Variants in LRP1B observed in about 807,000 individuals in gnomAD.
LRP1B encodes LDL receptor related protein 1B, also known as low-density lipoprotein receptor-related protein 1B.
In LRP1B, 217 loss-of-function variants were observed where a neutral mutation model predicts 556.6. The observed-to-expected ratio is 0.39, with a 90% CI of 0.35 to 0.44. The LOEUF is 0.44. Among genes scored for constraint, LRP1B ranks in the 20% least tolerant of loss-of-function variants. The pLI is 1.00. For synonymous variants in LRP1B, 2,047 were observed against 1,865.8 expected (o/e 1.10, Z -2.50); for missense variants, 5,053 against 5,620.8 (o/e 0.90, Z 3.23).
chr2:141,496,346 A>C (rs2105123242), intron 2 of LRP1B, among the ~76,000 whole-genome samples: 1 of 152,086 alleles, frequency 6.6e-6, no homozygotes, highest in Admixed American at 6.6e-5. Context: ...ATTATGATTC[A>C]GTAGATATTT....
At chr2:140,784,421 C>A (rs1054220907) in intron 32 of LRP1B, among the ~76,000 whole-genome samples, 14 of 146,480 alleles carry the variant, frequency 9.6e-5, no homozygotes, top group Admixed American at 4.1e-4. Context: ...CACACACACA[C>A]AAAAGGCTCA....
chr2:141,716,596 G>T (rs1692603657), intron 2 of LRP1B, among the ~76,000 whole-genome samples: 1 of 152,082 alleles, frequency 6.6e-6, no homozygotes. Context: ...AATTTAAGGT[G>T]ATCAGCTCAC....
chr2:140,957,089 T>C (rs566301006), intron 18 of LRP1B, among the ~76,000 whole-genome samples: 1 of 151,784 alleles, frequency 6.6e-6, no homozygotes, highest in South Asian at 2.1e-4. Context: ...TACAATTAAG[T>C]GATTTTAATA....
chr2:142,113,651 CGT>C (rs1438236725), intron 1 of LRP1B, among the ~76,000 whole-genome samples: 2 of 151,946 alleles, frequency 1.3e-5, no homozygotes, highest in African/African-American at 4.8e-5. Context: ...TAAATAAATA[CGT>C]GTGTACATTG....
At chr2:141,137,168 G>C (rs74467300) in intron 7 of LRP1B, among the ~76,000 whole-genome samples, 12,244 of 151,894 alleles carry the variant, frequency 0.081, 550 homozygotes, top group South Asian at 0.18. Context: ...ATTTTTAAAT[G>C]CTTTGTCAAA....
intron 3 of LRP1B, among the ~76,000 whole-genome samples, chr2:141,318,275 A>G (rs1436952510): frequency 1.3e-5 from 2 of 152,288 alleles, no homozygotes; most frequent in East Asian, 1.9e-4. Flanking sequence ...AAAATGTGCT[A>G]TGGATACAAA....
intron 2 of LRP1B, among the ~76,000 whole-genome samples, chr2:141,728,835 C>T (rs767695925): frequency 6.6e-6 from 1 of 152,132 alleles, no homozygotes; most frequent in African/African-American, 2.4e-5. Flanking sequence ...TGACTCTATC[C>T]GCTCTCACAC....
At chr2:140,666,180 A>G (rs1021145942) in intron 41 of LRP1B, among the ~76,000 whole-genome samples, 3 of 151,670 alleles carry the variant, frequency 2.0e-5, no homozygotes, top group Non-Finnish European at 4.4e-5. Flanking sequence ...TTTTTAGTAG[A>G]GGCGGGGCTT....
At chr2:141,357,017 CT>C in intron 3 of LRP1B, among the ~76,000 whole-genome samples, 1 of 151,718 alleles carries the variant, frequency 6.6e-6, no homozygotes, top group Non-Finnish European at 1.5e-5. Context: ...TATGTGTTCA[CT>C]TTTTAAATTT....
At chr2:140,629,731 G>T (rs1683810384) in intron 41 of LRP1B, among the ~76,000 whole-genome samples, 1 of 152,168 alleles carries the variant, frequency 6.6e-6, no homozygotes. Context: ...ATCATACAAA[G>T]ACACACATAT....
intron 2 of LRP1B, among the ~76,000 whole-genome samples, chr2:141,652,333 A>G (rs561260657): frequency 6.6e-6 from 1 of 152,360 alleles, no homozygotes; most frequent in Admixed American, 6.5e-5. Flanking sequence ...TAAGTTAGAT[A>G]ATTTTATGAT....
intron 3 of LRP1B, among the ~76,000 whole-genome samples, chr2:141,363,128 T>A (rs116539569): frequency 1.1e-3 from 175 of 152,356 alleles, no homozygotes; most frequent in African/African-American, 4.0e-3. Context: ...GTACATCTTC[T>A]ATAATTGTTT....
chr2:140,308,034 A>T (rs1242837840), intron 83 of LRP1B, among the ~76,000 whole-genome samples: 3 of 151,882 alleles, frequency 2.0e-5, no homozygotes, highest in Non-Finnish European at 4.4e-5. Context: ...CCTATTTGCT[A>T]ATAATTTTAG....
In LRP1B at chr2:140,525,971, G is replaced by A; in HGVS notation, c.7899C>T (p.Phe2633=). The change falls in exon 49 of 91, where the codon TTC becomes TTT. Residue 2633 remains phenylalanine (F), a synonymous_variant. Transcript: ENST00000389484. ...KNCNNTDCTH[F]YKLGVKTTGF... Reference sequence around the variant, plus strand: ...CTGTGGTTTTCACTCCAAGCTTATAGAAATGTGTGCAGTCTGTGTTATCTA... The same window carrying A: ...CTGTGGTTTTCACTCCAAGCTTATAAAAATGTGTGCAGTCTGTGTTATCTA... 2 of 1,612,100 alleles carry A rather than the reference G, an allele frequency of 1.2e-6. No individual in the cohort carries two copies. Among genetic ancestry groups the A allele is most frequent in the Middle Eastern group, 1.7e-4 (1 of 6,050 alleles).
At chr2:141,875,232 A>G (rs1469872888) in intron 1 of LRP1B, among the ~76,000 whole-genome samples, 3 of 151,622 alleles carry the variant, frequency 2.0e-5, no homozygotes, top group Non-Finnish European at 4.4e-5. Flanking sequence ...CGGGTCTCAA[A>G]CTCCTGGGCT....
rs10696198 is a variant in LRP1B at position 140,485,846 on chromosome 2, T to TACACACACACACAC, written c.9244-336_9244-323dup. Among the ~76,000 whole-genome samples, 273 of 142,354 alleles carry TACACACACACACAC rather than the reference T, an allele frequency of 1.9e-3. 5 individuals carry two copies. Among genetic ancestry groups the TACACACACACACAC allele is most frequent in the East Asian group, 0.013 (62 of 4,756 alleles). 93.4% of individuals were successfully genotyped at this position (142,354 alleles called of 152,430 possible). ...ATTTGGGACAAAATTCTCACGCACA[T>TACACACACACACAC]ACACACACACACACACACACACACA... On this transcript the variant is annotated intron_variant, in intron 58 of 90. Transcript: ENST00000389484.
chr2:141,606,992 C>T (rs1035850273), intron 2 of LRP1B, among the ~76,000 whole-genome samples: 3 of 151,986 alleles, frequency 2.0e-5, no homozygotes, highest in African/African-American at 4.8e-5. Flanking sequence ...TCCCTCCCTC[C>T]CTTCCTTCCT....
chr2:140,631,460 G>T (rs1405258235), intron 41 of LRP1B, among the ~76,000 whole-genome samples: 1 of 152,092 alleles, frequency 6.6e-6, no homozygotes, highest in Admixed American at 6.6e-5. Flanking sequence ...GCACAGAGAT[G>T]GAAACTATAC....
At chr2:141,757,744 C>T (rs1694374822) in intron 2 of LRP1B, among the ~76,000 whole-genome samples, 1 of 151,830 alleles carries the variant, frequency 6.6e-6, no homozygotes, top group Non-Finnish European at 1.5e-5. Context: ...ACTACATTGC[C>T]CAGGCTGATC....
Sources: gnomAD v4.1 joint callset for allele counts (sites outside exome capture counted in the v4.1 genomes callset) on GRCh38, gnomAD v4.1.1 for gene constraint, MANE v1.5 for transcripts, NCBI Gene and HGNC (gene_info 2026-07-23, HGNC 2026-07-21) for gene names.